Variants in USO1 observed in about 807,000 individuals in gnomAD.
The protein encoded by USO1 is USO1 vesicle transport factor.
USO1 carries 57 observed loss-of-function variants against 124.5 expected under a neutral mutation model. The ratio of observed to expected loss-of-function variants is 0.46; its 90% CI spans 0.37 to 0.57. USO1 has a LOEUF of 0.57. USO1 is among the 20% of genes least tolerant of loss of function. The probability of loss-of-function intolerance (pLI) is 0.00; values close to 1 mark genes in which losing one functional copy is unlikely to be tolerated. For synonymous variants in USO1, 369 were observed against 362.8 expected (o/e 1.02, Z -0.19); for missense variants, 900 against 1,040.6 (o/e 0.86, Z 1.86).
At chr4:75,785,823 G>A (rs1334348093) in intron 9 of USO1, among the ~76,000 whole-genome samples, 1 of 152,020 alleles carries the variant, frequency 6.6e-6, no homozygotes, top group African/African-American at 2.4e-5. Flanking sequence ...TTGACATATT[G>A]CGTAGTATTT....
chr4:75,758,297 A>G (rs1721500533), intron 4 of USO1, among the ~76,000 whole-genome samples: 2 of 152,204 alleles, frequency 1.3e-5, no homozygotes, highest in Non-Finnish European at 2.9e-5. Flanking sequence ...ATTGGCTGTT[A>G]CAGTAGGACG....
intron 12 of USO1, among the ~76,000 whole-genome samples, chr4:75,792,343 C>G (rs889640447): frequency 2.6e-5 from 4 of 152,116 alleles, no homozygotes; most frequent in African/African-American, 9.7e-5. Context: ...TCAAGACCAG[C>G]CTGGCGAACA....
At chr4:75,799,071 G>A (rs1722768780) in intron 13 of USO1, among the ~76,000 whole-genome samples, 1 of 152,102 alleles carries the variant, frequency 6.6e-6, no homozygotes, top group East Asian at 1.9e-4. Context: ...CATCTGGTGT[G>A]TGATGACTGA....
chr4:75,776,555 G>A (rs1722076544), intron 8 of USO1, among the ~76,000 whole-genome samples: 1 of 152,146 alleles, frequency 6.6e-6, no homozygotes, highest in Admixed American at 6.5e-5. Context: ...TTTCCTAGTT[G>A]CTAAAACAAG....
At chr4:75,809,166 CTTACTAGCCGGTAT>C in intron 21 of USO1, 115 bp downstream of exon 21, 1 of 116,220 alleles carries the variant, frequency 8.6e-6, no homozygotes, top group Non-Finnish European at 1.4e-5. Context: ...CTTTAGATTA[CTTACTAGCCGGTAT>C]TCTAGTAACA....
At chr4:75,804,041 T>C in intron 17 of USO1, 93 bp from the exon 18 acceptor site, 2 of 1,478,550 alleles carry the variant, frequency 1.4e-6, no homozygotes, top group South Asian at 1.4e-5. Context: ...TAGCATACTG[T>C]CCCAAAATGA....
chr4:75,731,627 G>A (rs983791792), intron 1 of USO1, among the ~76,000 whole-genome samples: 3 of 151,968 alleles, frequency 2.0e-5, no homozygotes, highest in African/African-American at 7.3e-5. Flanking sequence ...TAAAACATAA[G>A]TGAATTGACT....
chr4:75,797,583 T>C (rs1045127731), intron 13 of USO1, among the ~76,000 whole-genome samples: 5 of 150,970 alleles, frequency 3.3e-5, no homozygotes, highest in Admixed American at 6.6e-5. Flanking sequence ...AAAAGCCTTT[T>C]AGTAATTTTT....
intron 9 of USO1, among the ~76,000 whole-genome samples, chr4:75,785,376 T>A (rs977039220): frequency 6.6e-5 from 10 of 152,114 alleles, no homozygotes; most frequent in African/African-American, 2.4e-4. Flanking sequence ...AAATTATAGT[T>A]TTATGGCTAG....
At chr4:75,728,507 G>A (rs1190817228) in intron 1 of USO1, among the ~76,000 whole-genome samples, 1 of 152,108 alleles carries the variant, frequency 6.6e-6, no homozygotes, top group East Asian at 1.9e-4. Context: ...AAAATTAGCT[G>A]GGCATGGTGG....
chr4:75,771,560 A>G (rs372947367), intron 7 of USO1, among the ~76,000 whole-genome samples: 1 of 152,226 alleles, frequency 6.6e-6, no homozygotes, highest in Non-Finnish European at 1.5e-5. Context: ...TTTGACACCA[A>G]ACTCTACCTC....
At chr4:75,779,648 C>T (rs1722164589) in intron 8 of USO1, among the ~76,000 whole-genome samples, 1 of 152,182 alleles carries the variant, frequency 6.6e-6, no homozygotes. Flanking sequence ...ACAAGCTGCA[C>T]AAGGAAAGTT....
chr4:75,757,790 A>G (rs535763734), intron 4 of USO1, among the ~76,000 whole-genome samples: 107 of 152,260 alleles, frequency 7.0e-4, no homozygotes, highest in African/African-American at 2.5e-3. Flanking sequence ...GAGATGGAAT[A>G]AGATCCTTCT....
Position 75,793,879 on chromosome 4 carries a change from A to G in USO1, c.1430A>G (p.Gln477Arg). The G allele has an allele frequency of 6.2e-7, 1 of 1,614,024 alleles. No homozygotes were observed. The highest frequency in any genetic ancestry group is 8.5e-7 in the Non-Finnish European group (1 of 1,179,884). The change falls in exon 13 of 24, where the codon CAG (glutamine) becomes CGG (arginine). Residue 477 changes from glutamine (Q) to arginine (R), a missense_variant. Transcript: ENST00000514213. ...AACCCTCCAGTTTCTTTACTTCAAC[A>G]GTGCACCAATATTCTTTCACAGGTA... ...IGNPPVSLLQQCTNILSQGSK... is the reference protein window; with the variant it reads ...IGNPPVSLLQRCTNILSQGSK...
In USO1 at chr4:75,771,813, G is replaced by A. The variant is rs117009453; in HGVS notation, c.555+676G>A. ...TGATGCTGTATATTTTGTTGCATAA[G>A]CATTTTTCTCTATTGTTACCTACAA... On this transcript the variant is annotated intron_variant, in intron 7 of 23. Coordinates refer to ENST00000514213, the MANE Select transcript of USO1 (RefSeq NM_003715.4). 1.1e-3 allele frequency among the ~76,000 whole-genome samples: 168 copies of A among 152,186 alleles called. 2 individuals carry two copies. The East Asian group carries it at 0.028, about 25-fold the overall frequency.
intron 22 of USO1, among the ~76,000 whole-genome samples, chr4:75,811,679 C>A (rs1723155390): frequency 6.6e-6 from 1 of 152,124 alleles, no homozygotes. Context: ...TATAATTGTG[C>A]TTTTTGGATT....
At chr4:75,767,735 T>C (rs324716) in intron 4 of USO1, among the ~76,000 whole-genome samples, 137,519 of 152,316 alleles carry the variant, frequency 0.9, 62,234 homozygotes, top group African/African-American at 0.97. Context: ...CTATGCATGG[T>C]ACATCATCTT....
intron 1 of USO1, chr4:75,745,370 G>A (rs1323999779): frequency 1.9e-6 from 1 of 519,454 alleles, no homozygotes; most frequent in Non-Finnish European, 3.9e-6. Context: ...TGCAAGTGGA[G>A]CTATTCACAG....
chr4:75,748,215 T>C (rs1269818456), intron 1 of USO1, among the ~76,000 whole-genome samples: 4 of 147,758 alleles, frequency 2.7e-5, no homozygotes, highest in Non-Finnish European at 6.0e-5. Flanking sequence ...GTATTTCTTT[T>C]TTTTTTTTTT....
Sources: allele counts gnomAD v4.1 joint callset (sites outside exome capture counted in the v4.1 genomes callset), GRCh38; gene constraint gnomAD v4.1.1; transcripts MANE v1.5; gene names NCBI Gene and HGNC (gene_info 2026-07-23, HGNC 2026-07-21).